Variants in RIGI observed in about 807,000 individuals in gnomAD.
The protein encoded by RIGI is RNA sensor RIG-I, also known as antiviral innate immune response receptor RIG-I.
chr9:32,463,025 C>T, the RIGI span, among the ~76,000 whole-genome samples: 1 of 151,998 alleles, frequency 6.6e-6, no homozygotes, highest in East Asian at 1.9e-4. Context: ...TGCGTGGTGG[C>T]ACACACCTGT....
At chr9:32,522,735 C>A in the RIGI span, among the ~76,000 whole-genome samples, 2 of 152,164 alleles carry the variant, frequency 1.3e-5, no homozygotes, top group Non-Finnish European at 1.5e-5. Flanking sequence ...TAGTATGGAA[C>A]TGCCCACCAC....
chr9:32,515,600 G>A, the RIGI span, among the ~76,000 whole-genome samples: 14 of 152,154 alleles, frequency 9.2e-5, no homozygotes, highest in South Asian at 2.9e-3. Flanking sequence ...TTTTTCATTT[G>A]TGAATCATAT....
the RIGI span, chr9:32,457,293 G>A: frequency 6.2e-7 from 1 of 1,614,154 alleles, no homozygotes; most frequent in Non-Finnish European, 8.5e-7. Flanking sequence ...AGTCATGGCT[G>A]CAGTTCTGTC....
chr9:32,506,945 T>C, the RIGI span, among the ~76,000 whole-genome samples: 656 of 152,346 alleles, frequency 4.3e-3, 6 homozygotes, highest in African/African-American at 0.015. Flanking sequence ...ATATATAATA[T>C]GTTGGCTGAT....
chr9:32,480,717 T>C, the RIGI span, among the ~76,000 whole-genome samples: 6 of 152,268 alleles, frequency 3.9e-5, no homozygotes, highest in Non-Finnish European at 8.8e-5. Context: ...TTGATTTCTA[T>C]ATACATCTGA....
chr9:32,458,222 CT>C, the RIGI span, among the ~76,000 whole-genome samples: 2 of 152,152 alleles, frequency 1.3e-5, no homozygotes, highest in African/African-American at 4.8e-5. Flanking sequence ...TTTTCTAACC[CT>C]TTCTCTGAAA....
chr9:32,493,077 CAGAT>C, the RIGI span, among the ~76,000 whole-genome samples: 9 of 152,112 alleles, frequency 5.9e-5, no homozygotes, highest in Non-Finnish European at 1.2e-4. Flanking sequence ...CACAAGGAAA[CAGAT>C]AGATATTCAG....
At chr9:32,491,423 T>G in the RIGI span, 1 of 1,595,270 alleles carries the variant, frequency 6.3e-7, no homozygotes, top group Non-Finnish European at 8.5e-7. Context: ...TTTTATACCT[T>G]TTTAAGACCA....
At chr9:32,465,161 C>T in the RIGI span, among the ~76,000 whole-genome samples, 40 of 152,308 alleles carry the variant, frequency 2.6e-4, no homozygotes, top group African/African-American at 9.6e-4. Context: ...AGAATCCCAT[C>T]CCCAGTAAAA....
chr9:32,488,674 G>A, the RIGI span: 18 of 1,449,604 alleles, frequency 1.2e-5, 1 homozygote, highest in South Asian at 2.7e-4. Context: ...AAACAAAACA[G>A]AAAACACATC....
chr9:32,492,669 A>G, the RIGI span: 1 of 1,032,432 alleles, frequency 9.7e-7, no homozygotes, highest in Non-Finnish European at 1.4e-6. Flanking sequence ...AGTGGGTCAT[A>G]TCCATGACAA....
chr9:32,463,922 G>A, the RIGI span, among the ~76,000 whole-genome samples: 5 of 50,080 alleles, frequency 1.0e-4, no homozygotes, highest in East Asian at 6.3e-3. Context: ...CTGTCATACC[G>A]TTCATCCCTT....
At chr9:32,514,798 C>A in the RIGI span, among the ~76,000 whole-genome samples, 1 of 152,212 alleles carries the variant, frequency 6.6e-6, no homozygotes, top group Non-Finnish European at 1.5e-5. Context: ...ATCAACTCTA[C>A]ATGCCTAGTT....
At chr9:32,485,806 T>C in the RIGI span, among the ~76,000 whole-genome samples, 1 of 152,082 alleles carries the variant, frequency 6.6e-6, no homozygotes, top group Non-Finnish European at 1.5e-5. Context: ...CCCAAAGTGC[T>C]GGGATTACAA....
chr9:32,475,800 A>C, the RIGI span, among the ~76,000 whole-genome samples: 1 of 152,142 alleles, frequency 6.6e-6, no homozygotes, highest in African/African-American at 2.4e-5. Flanking sequence ...AAAACCCATA[A>C]AAGAAAAAAC....
At chr9:32,504,258 G>A in the RIGI span, among the ~76,000 whole-genome samples, 186 of 152,190 alleles carry the variant, frequency 1.2e-3, 2 homozygotes, top group East Asian at 0.029. Context: ...ATGTGGGCAC[G>A]GGGGGAATGT....
chr9:32,482,607 TC>T, the RIGI span, among the ~76,000 whole-genome samples: 3 of 152,110 alleles, frequency 2.0e-5, no homozygotes, highest in African/African-American at 7.2e-5. Flanking sequence ...ATGCCTGTAA[TC>T]CCAGCACTTT....
the RIGI span, among the ~76,000 whole-genome samples, chr9:32,499,519 A>C: frequency 1.3e-5 from 2 of 151,472 alleles, no homozygotes; most frequent in African/African-American, 2.4e-5. Context: ...GCAATGGCGC[A>C]ATCTCAGCTC....
At chr9:32,526,174 T>C in the RIGI span, 1 of 1,609,602 alleles carries the variant, frequency 6.2e-7, no homozygotes, top group Non-Finnish European at 8.5e-7. Flanking sequence ...CATGCCGGCC[T>C]CTGCTTGCAG....
Sources: gnomAD v4.1 joint callset for allele counts (sites outside exome capture counted in the v4.1 genomes callset) on GRCh38, gnomAD v4.1.1 for gene constraint, MANE v1.5 for transcripts, NCBI Gene and HGNC (gene_info 2026-07-23, HGNC 2026-07-21) for gene names.